TMUB2: variants seen among roughly 807,000 people sequenced by gnomAD.
The protein encoded by TMUB2 is transmembrane and ubiquitin like domain containing 2.
TMUB2 carries 19 observed loss-of-function variants against 20.2 expected under a neutral mutation model. The observed-to-expected ratio is 0.94, with a 90% confidence interval of 0.66 to 1.38. The LOEUF is 1.38. Among genes scored for constraint, TMUB2 ranks in the 40% most tolerant of loss-of-function variants. TMUB2 has a pLI of 0.00. For synonymous variants in TMUB2, 186 were observed against 166.0 expected, an observed-to-expected ratio of 1.12 and a Z score of -0.92; for missense variants, 426 against 402.5, an observed-to-expected ratio of 1.06 and a Z score of -0.50.
At chr17:44,187,765 A>G in intron 2 of TMUB2, 22 bp downstream of exon 2, 1 of 718,514 alleles carries the variant, frequency 1.4e-6, no homozygotes, top group Non-Finnish European at 2.6e-6. Context: ...TTTTAACCCC[A>G]TTTTACTGAT....
At position 44,191,732 on chromosome 17, in the gene TMUB2, G is replaced by A. The variant is rs1174238954; in HGVS notation, c.*868G>A. The A allele has an allele frequency of 9.1e-6, 9 of 985,536 alleles. No individual in the cohort carries two copies. The East Asian group carries it at 5.7e-4, about 62-fold the overall frequency. 61.0% of individuals were successfully genotyped at this position (985,536 alleles called of 1,614,324 possible). A position where few individuals can be genotyped will look rare whatever the true frequency, so the allele number is the denominator to read the frequency against. On this transcript the variant is annotated 3_prime_UTR_variant, in exon 4 of 4. Coordinates refer to ENST00000538716, the MANE Select transcript of TMUB2 (RefSeq NM_001076674.3). ...TAAAGTTCCATTTTGTGGTCCTGCA[G>A]CCTCTTTCTGTGACAGAGAATGGCT...
Position 44,191,330 on chromosome 17 carries a change from A to G in TMUB2, c.*466A>G. On this transcript the variant is annotated 3_prime_UTR_variant, in exon 4 of 4. Coordinates refer to ENST00000538716, the MANE Select transcript of TMUB2 (RefSeq NM_001076674.3). Reference sequence around the variant, plus strand: ...CAAATACTCATCTTTTGAGACTGAAATCACACTGGCGGGAATGAAGATTGT... The same window carrying G: ...CAAATACTCATCTTTTGAGACTGAAGTCACACTGGCGGGAATGAAGATTGT... 2 of 989,838 alleles carry G rather than the reference A, an allele frequency of 2.0e-6. No homozygotes were observed. The highest frequency in any genetic ancestry group is 2.4e-6 in the Non-Finnish European group (2 of 832,388). The allele number at this position is 989,838 out of a possible 1,614,324, so 61.3% of individuals were successfully genotyped here.
rs9895154 is a variant in TMUB2, at chr17:44,190,581, G to A, written c.683G>A (p.Arg228His). 19,556 of 1,614,116 alleles carry A rather than the reference G, an allele frequency of 0.012. 606 individuals carry two copies. Among genetic ancestry groups the A allele is most frequent in the African/African-American group, 0.11 (8,168 of 74,984 alleles). Residue 228 changes from arginine to histidine, a missense_variant, in exon 4 of 4, where the codon CGT becomes CAT. Coordinates refer to ENST00000538716, the MANE Select transcript of TMUB2 (RefSeq NM_001076674.3). ...CTACAAGACCCAGCCCGCACACTGC[G>A]TTCTCTGAACATTACCGACAACTGT... ...RLLQDPARTL[R>H]SLNITDNCVI... is the part of the protein sequence containing the mutation.
chr17:44,188,226 G>C (rs1458534509), intron 2 of TMUB2, among the ~76,000 whole-genome samples: 2 of 152,194 alleles, frequency 1.3e-5, no homozygotes, highest in African/African-American at 4.8e-5. Context: ...GATATGGATT[G>C]TGAGAGCTGT....
At position 44,190,653 on chromosome 17, in the gene TMUB2, C is replaced by T. The variant is rs749201780; in HGVS notation, c.755C>T (p.Pro252Leu). ...CCCCCAGGGTCAGCTGTTCCAGGCCCCTCAGCCTCCTTGGCCCCCTCGGCC... is the reference window on the plus strand; with the variant it reads ...CCCCCAGGGTCAGCTGTTCCAGGCCTCTCAGCCTCCTTGGCCCCCTCGGCC... Reference protein sequence around the residue: ...RSPPGSAVPGPSASLAPSATE... With the variant: ...RSPPGSAVPGLSASLAPSATE... The change falls in exon 4 of 4, where the codon CCC (proline) becomes CTC (leucine). Residue 252 changes from proline (P) to leucine (L), a missense_variant. By Grantham distance (98) the Pro-to-Leu change is moderately conservative. Coordinates refer to ENST00000538716, the MANE Select transcript of TMUB2 (RefSeq NM_001076674.3). The T allele has an allele frequency of 5.6e-6, 9 of 1,614,230 alleles. No individual in the cohort carries two copies. Among genetic ancestry groups the T allele is most frequent in the Non-Finnish European group, 7.6e-6 (9 of 1,180,052 alleles).
chr17:44,189,366 G>T lies in TMUB2; in HGVS notation c.380G>T (p.Gly127Val), dbSNP rs376866920. The change falls in exon 3 of 4, where the codon GGG becomes GTG. Residue 127 changes from glycine to valine, a missense_variant. Physicochemically the swap from Gly to Val is moderately radical, Grantham distance 109. Coordinates refer to ENST00000538716, the MANE Select transcript of TMUB2 (RefSeq NM_001076674.3). Reference protein sequence around the residue: ...RGDSTGEAGAGGGVEPSLEHL... With the variant: ...RGDSTGEAGAVGGVEPSLEHL... ...GACTCCACTGGGGAGGCTGGAGCTG[G>T]GGGTGGTGTTGAGCCCAGCCTTGAG... The T allele has an allele frequency of 2.5e-6, 4 of 1,609,280 alleles. No homozygotes were observed. Among genetic ancestry groups the T allele is most frequent in the African/African-American group, 1.3e-5 (1 of 74,834 alleles).
In TMUB2 at chr17:44,191,296, T is replaced by A. The variant is rs1431939050; in HGVS notation, c.*432T>A. 2 of 995,528 alleles carry A rather than the reference T, an allele frequency of 2.0e-6. No homozygotes were observed. The highest frequency in any genetic ancestry group is 2.2e-4 in the East Asian group (2 of 9,050). 61.7% of individuals were successfully genotyped at this position (995,528 alleles called of 1,614,324 possible). On this transcript the variant is annotated 3_prime_UTR_variant, in exon 4 of 4. Coordinates refer to ENST00000538716, the MANE Select transcript of TMUB2 (RefSeq NM_001076674.3). The stretch of plus-strand genomic sequence containing the variant: ...GTAGGGAGCCTGGAGTATCCTTCCA[T>A]TTCTCAGCCAAATACTCATCTTTTG...
Position 44,189,597 on chromosome 17 carries a change from C to A in TMUB2, c.602+9C>A. 6.4e-7 allele frequency: 1 copy of A among 1,554,638 alleles called. No individual in the cohort carries two copies. The highest frequency in any genetic ancestry group is 8.7e-7 in the Non-Finnish European group (1 of 1,150,724). ...GTGGGTGCCCTGAAGAGGTGAGTGG[C>A]CTGGGAAGTGGGAAGCTGCTTGTGC... is the stretch of plus-strand genomic sequence containing the variant. On this transcript the variant is annotated intron_variant, in intron 3 of 3. Transcript: ENST00000538716.
At position 44,189,378 on chromosome 17, in the gene TMUB2, A is replaced by G. The variant is rs778630016; in HGVS notation, c.392A>G (p.Glu131Gly). ...TGEAGAGGGVEPSLEHLLDIQ... is the reference protein window; with the variant it reads ...TGEAGAGGGVGPSLEHLLDIQ... Reference sequence around the variant, plus strand: ...GAGGCTGGAGCTGGGGGTGGTGTTGAGCCCAGCCTTGAGCATCTCCTTGAC... The same window carrying G: ...GAGGCTGGAGCTGGGGGTGGTGTTGGGCCCAGCCTTGAGCATCTCCTTGAC... The change falls in exon 3 of 4, where the codon GAG becomes GGG. Residue 131 changes from glutamate to glycine, a missense_variant. Transcript: ENST00000538716. The G allele has an allele frequency of 6.2e-7, 1 of 1,611,824 alleles. No homozygotes were observed. Among genetic ancestry groups the G allele is most frequent in the South Asian group, 1.1e-5 (1 of 90,804 alleles).
At chr17:44,188,435 C>T (rs1468542607) in intron 2 of TMUB2, among the ~76,000 whole-genome samples, 1 of 152,152 alleles carries the variant, frequency 6.6e-6, no homozygotes, top group East Asian at 1.9e-4. Flanking sequence ...TTAGATTTGT[C>T]TGACTCTGCT....
chr17:44,188,218 T>C (rs1021106285), intron 2 of TMUB2, among the ~76,000 whole-genome samples: 2 of 152,106 alleles, frequency 1.3e-5, no homozygotes, highest in Admixed American at 1.3e-4. Flanking sequence ...GAGACTGAGA[T>C]ATGGATTGTG....
Position 44,187,588 on chromosome 17 carries a change from G to A in TMUB2, c.-33-88G>A. 5 of 686,794 alleles carry A rather than the reference G, an allele frequency of 7.3e-6. No homozygotes were observed. In the South Asian group the frequency reaches 7.7e-5, roughly 11 times the overall value. 42.5% of individuals were successfully genotyped at this position (686,794 alleles called of 1,614,324 possible). On this transcript the variant is annotated intron_variant, in intron 1 of 3. Coordinates refer to ENST00000538716, the MANE Select transcript of TMUB2 (RefSeq NM_001076674.3). ...GCAGTTTCTTTTCCTGTAAATCATG[G>A]TTAATAACATTAACCTTCTTACCAT...
Position 44,189,037 on chromosome 17 carries a change from C to G in TMUB2, c.51C>G (p.Ser17Arg), listed in dbSNP as rs776629537. The stretch of plus-strand genomic sequence containing the variant: ...GTTCCTGCAGCGTGGACCCTGCCAG[C>G]AGCCAGGCCATGGAGCTCTCTGATG... ...QNNLMSVDPASSQAMELSDVT... is the reference protein window; with the variant it reads ...QNNLMSVDPARSQAMELSDVT... The change falls in exon 3 of 4, where the codon AGC becomes AGG. Residue 17 changes from serine (S) to arginine (R), a missense_variant. By Grantham distance (110) the Ser-to-Arg change is moderately radical (BLOSUM62 -1). Coordinates refer to ENST00000538716, the MANE Select transcript of TMUB2 (RefSeq NM_001076674.3). The G allele has an allele frequency of 1.2e-6, 2 of 1,613,160 alleles. No homozygotes were observed. Among genetic ancestry groups the G allele is most frequent in the Non-Finnish European group, 1.7e-6 (2 of 1,179,558 alleles).
In TMUB2 at chr17:44,189,074, G is replaced by A; in HGVS notation, c.88G>A (p.Glu30Lys). 3 of 1,614,096 alleles carry A rather than the reference G, an allele frequency of 1.9e-6. No homozygotes were observed. Among genetic ancestry groups the A allele is most frequent in the Non-Finnish European group, 2.5e-6 (3 of 1,180,030 alleles). ...GGAGCTCTCTGATGTCACCCTCATTGAGGGTGTGGGTAATGAGGTGATGGT... is the reference window on the plus strand; with the variant it reads ...GGAGCTCTCTGATGTCACCCTCATTAAGGGTGTGGGTAATGAGGTGATGGT... ...AMELSDVTLI[E>K]GVGNEVMVVA... Residue 30 changes from glutamate to lysine, a missense_variant, in exon 3 of 4, where the codon GAG becomes AAG. Coordinates refer to ENST00000538716, the MANE Select transcript of TMUB2 (RefSeq NM_001076674.3).
At chr17:44,188,115 C>G (rs1484898364) in intron 2 of TMUB2, 1 of 222,240 alleles carries the variant, frequency 4.5e-6, no homozygotes, top group African/African-American at 2.3e-5. Flanking sequence ...GCAGATTCTC[C>G]AAGGGAAATA....
chr17:44,187,782 G>A, intron 2 of TMUB2, 39 bp downstream of exon 2: 1 of 718,258 alleles, frequency 1.4e-6, no homozygotes, highest in Non-Finnish European at 2.6e-6. Context: ...TGATGAGAAA[G>A]CTGAGGCTCT....
rs752219577 is a variant in TMUB2 at position 44,190,768 on chromosome 17, C to A, written c.870C>A (p.Ile290=). 1 of 1,614,198 alleles carries A rather than the reference C, an allele frequency of 6.2e-7. No homozygotes were observed. Among genetic ancestry groups the A allele is most frequent in the Non-Finnish European group, 8.5e-7 (1 of 1,180,040 alleles). Residue 290 remains isoleucine (I), a synonymous_variant, in exon 4 of 4, where the codon ATC becomes ATA. Coordinates refer to ENST00000538716, the MANE Select transcript of TMUB2 (RefSeq NM_001076674.3). ...TGGGTGTGGTCTGGTACTTCCGAATCAATTACCGCCAATTCTTCACAGCAC... is the reference window on the plus strand; with the variant it reads ...TGGGTGTGGTCTGGTACTTCCGAATAAATTACCGCCAATTCTTCACAGCAC... ...VLLGVVWYFR[I]NYRQFFTAPA... is the part of the protein sequence containing the mutation.
intron 3 of TMUB2, chr17:44,190,157 C>T (rs1008540593): frequency 1.5e-5 from 3 of 204,932 alleles, no homozygotes; most frequent in South Asian, 9.5e-5. Flanking sequence ...CCATCCTGGC[C>T]AGCATGGTGA....
chr17:44,191,188 A>C lies in TMUB2; in HGVS notation c.*324A>C. 9.1e-7 allele frequency: 1 copy of C among 1,098,414 alleles called. No individual in the cohort carries two copies. The highest frequency in any genetic ancestry group is 1.1e-6 in the Non-Finnish European group (1 of 899,556). 68.0% of individuals were successfully genotyped at this position (1,098,414 alleles called of 1,614,324 possible). Reference sequence around the variant, plus strand: ...AGATTCCCTCCCACCTGTGGTTCTGACTCTTCCCAGTGTCCTGCATGTCTG... The same window carrying C: ...AGATTCCCTCCCACCTGTGGTTCTGCCTCTTCCCAGTGTCCTGCATGTCTG... On this transcript the variant is annotated 3_prime_UTR_variant, in exon 4 of 4. Coordinates refer to ENST00000538716, the MANE Select transcript of TMUB2 (RefSeq NM_001076674.3).
Sources: allele counts gnomAD v4.1 joint callset (sites outside exome capture counted in the v4.1 genomes callset), GRCh38; gene constraint gnomAD v4.1.1; transcripts MANE v1.5; gene names NCBI Gene and HGNC (gene_info 2026-07-23, HGNC 2026-07-21).